NEGR1: variants seen among roughly 807,000 people sequenced by gnomAD.
The protein encoded by NEGR1 is IgLON family member 4.
In NEGR1, 10 loss-of-function variants were observed where a neutral mutation model predicts 40.9. That is an observed-to-expected ratio of 0.24 (90% CI 0.15 to 0.42). The LOEUF is 0.42. Ranked by LOEUF, NEGR1 falls within the 10% of genes least tolerant of loss-of-function variation. The pLI, the probability that NEGR1 is intolerant of heterozygous loss-of-function variation, is 1.00. For missense variants in NEGR1, 352 were observed against 438.9 expected (o/e 0.80, Z 1.77); for synonymous variants, 185 against 166.8 (o/e 1.11, Z -0.84).
At chr1:71,807,222 C>T (rs1344514982) in intron 2 of NEGR1, among the ~76,000 whole-genome samples, 1 of 152,142 alleles carries the variant, frequency 6.6e-6, no homozygotes, top group East Asian at 1.9e-4. Flanking sequence ...AAAATAAATA[C>T]TGTATGGGAC....
At chr1:71,630,491 C>CCATT (rs1650937100) in intron 4 of NEGR1, among the ~76,000 whole-genome samples, 1 of 151,864 alleles carries the variant, frequency 6.6e-6, no homozygotes, top group South Asian at 2.1e-4. Flanking sequence ...ATGATGCTCC[C>CCATT]CATTGGTTCT....
intron 6 of NEGR1, among the ~76,000 whole-genome samples, chr1:71,507,395 A>G (rs1451083306): frequency 6.6e-6 from 1 of 152,234 alleles, no homozygotes; most frequent in Non-Finnish European, 1.5e-5. Flanking sequence ...TAATGTCTAT[A>G]TCACACAAAG....
At chr1:72,075,035 T>C (rs1466307678) in intron 1 of NEGR1, among the ~76,000 whole-genome samples, 3 of 152,152 alleles carry the variant, frequency 2.0e-5, no homozygotes, top group Non-Finnish European at 4.4e-5. Flanking sequence ...GTAGCTTTTA[T>C]TAATCTTATT....
At position 71,402,851 on chromosome 1, in the gene NEGR1, C is replaced by T. The variant is rs1646255187; in HGVS notation, c.*4595G>A. On this transcript the variant is annotated 3_prime_UTR_variant, in exon 7 of 7. Coordinates refer to ENST00000357731, the MANE Select transcript of NEGR1 (RefSeq NM_173808.3). ...AGCTCTGTTTCATGTGCTGGTTTTC[C>T]ATGTCTGATACTTGATGTTTCTGTT... The T allele has an allele frequency of 6.6e-6, 1 of 151,974 alleles. No homozygotes were observed. The highest frequency in any genetic ancestry group is 1.9e-4 in the East Asian group (1 of 5,192). The allele number at this position is 151,974 out of a possible 1,614,324, so 9.4% of individuals were successfully genotyped here.
At chr1:72,206,830 G>A (rs545020252) in intron 1 of NEGR1, among the ~76,000 whole-genome samples, 1 of 151,986 alleles carries the variant, frequency 6.6e-6, no homozygotes, top group Admixed American at 6.6e-5. Flanking sequence ...GGTATTTGAG[G>A]ATATACCTAA....
At chr1:71,742,581 C>A (rs548475166) in intron 3 of NEGR1, among the ~76,000 whole-genome samples, 1 of 152,208 alleles carries the variant, frequency 6.6e-6, no homozygotes, top group South Asian at 2.1e-4. Context: ...CCATTTCTCA[C>A]TTTTGGAATG....
chr1:72,247,872 G>A (rs1480689273), intron 1 of NEGR1, among the ~76,000 whole-genome samples: 1 of 152,140 alleles, frequency 6.6e-6, no homozygotes, highest in Non-Finnish European at 1.5e-5. Flanking sequence ...TCGGCTCACA[G>A]TTCTGCAGGC....
intron 1 of NEGR1, among the ~76,000 whole-genome samples, chr1:72,081,146 C>A (rs1647979299): frequency 6.6e-6 from 1 of 152,042 alleles, no homozygotes; most frequent in Admixed American, 6.6e-5. Flanking sequence ...AGGACTTGGG[C>A]TCAATTTAGG....
At chr1:72,269,795 T>C (rs1655782317) in intron 1 of NEGR1, among the ~76,000 whole-genome samples, 1 of 146,770 alleles carries the variant, frequency 6.8e-6, no homozygotes, top group African/African-American at 2.7e-5. Flanking sequence ...AATTCAAAAT[T>C]TTCCTATCTA....
chr1:71,880,708 C>T (rs1425242106), intron 2 of NEGR1, among the ~76,000 whole-genome samples: 1 of 151,988 alleles, frequency 6.6e-6, no homozygotes, highest in East Asian at 1.9e-4. Flanking sequence ...TCAATTCTGA[C>T]TGTATGCATA....
Position 71,727,215 on chromosome 1 carries a change from G to T in NEGR1, c.536-29076C>A, listed in dbSNP as rs183702201. 2.1e-3 allele frequency among the ~76,000 whole-genome samples: 317 copies of T among 151,864 alleles called. 1 individual carries two copies. The highest frequency in any genetic ancestry group is 7.3e-3 in the African/African-American group (301 of 41,402). On this transcript the variant is annotated intron_variant, in intron 3 of 6. Coordinates refer to ENST00000357731, the MANE Select transcript of NEGR1 (RefSeq NM_173808.3). ...CCTACTTCCTTTCAGTTTCCTATCTGGATGCTCTTCTATTTCTTATAATTT... is the reference window on the plus strand; with the variant it reads ...CCTACTTCCTTTCAGTTTCCTATCTTGATGCTCTTCTATTTCTTATAATTT...
At chr1:71,941,454 A>C (rs575473171) in intron 1 of NEGR1, among the ~76,000 whole-genome samples, 1 of 152,230 alleles carries the variant, frequency 6.6e-6, no homozygotes, top group East Asian at 1.9e-4. Context: ...TAATAATATC[A>C]CTTTATATAA....
intron 1 of NEGR1, among the ~76,000 whole-genome samples, chr1:71,980,686 C>T (rs143571220): frequency 3.3e-5 from 5 of 152,200 alleles, no homozygotes; most frequent in Admixed American, 6.5e-5. Flanking sequence ...TATCACAAGG[C>T]TCAACCTCAG....
intron 6 of NEGR1, among the ~76,000 whole-genome samples, chr1:71,420,945 A>G (rs1381483736): frequency 6.6e-6 from 1 of 152,082 alleles, no homozygotes; most frequent in Non-Finnish European, 1.5e-5. Context: ...AATAAAATAC[A>G]AAATGAGTTT....
At chr1:71,929,144 T>C (rs1645830442) in intron 2 of NEGR1, among the ~76,000 whole-genome samples, 1 of 152,102 alleles carries the variant, frequency 6.6e-6, no homozygotes, top group African/African-American at 2.4e-5. Flanking sequence ...TATCTAGTTA[T>C]TGATATAAAG....
Position 72,069,197 on chromosome 1 carries a change from C to T in NEGR1, c.177-133886G>A, listed in dbSNP as rs180792828. Among the ~76,000 whole-genome samples, 47 of 152,018 alleles carry T rather than the reference C, an allele frequency of 3.1e-4. No individual in the cohort carries two copies. In the East Asian group the frequency reaches 8.9e-3, roughly 29 times the overall value. ...GGCCAAGGTGGAGCCACTGTTTGAG[C>T]TCAAGAGTTCAAGACCAGCCTGGGC... is the stretch of plus-strand genomic sequence containing the variant. On this transcript the variant is annotated intron_variant, in intron 1 of 6. Coordinates refer to ENST00000357731, the MANE Select transcript of NEGR1 (RefSeq NM_173808.3).
At chr1:72,121,774 C>T (rs999786589) in intron 1 of NEGR1, among the ~76,000 whole-genome samples, 5 of 151,892 alleles carry the variant, frequency 3.3e-5, no homozygotes, top group African/African-American at 4.8e-5. Context: ...TAAATAGAGT[C>T]GATATACATA....
At chr1:71,590,743 C>T (rs1226153195) in intron 6 of NEGR1, among the ~76,000 whole-genome samples, 2 of 152,078 alleles carry the variant, frequency 1.3e-5, no homozygotes, top group African/African-American at 4.8e-5. Context: ...TCAGAGTAAG[C>T]TAACAATGTG....
intron 1 of NEGR1, among the ~76,000 whole-genome samples, chr1:72,205,922 G>A (rs905364057): frequency 6.8e-6 from 1 of 147,824 alleles, no homozygotes; most frequent in African/African-American, 2.5e-5. Context: ...CAGCTTGGGC[G>A]AAAGAGCAGG....
Sources: gnomAD v4.1 joint callset for allele counts (sites outside exome capture counted in the v4.1 genomes callset) on GRCh38, gnomAD v4.1.1 for gene constraint, MANE v1.5 for transcripts, NCBI Gene and HGNC (gene_info 2026-07-23, HGNC 2026-07-21) for gene names.